Variants in DHRS4L2 observed in about 807,000 individuals in gnomAD.
DHRS4L2 encodes dehydrogenase/reductase SDR family member 4-like 2.
A neutral mutation model predicts 23.9 loss-of-function variants in DHRS4L2; 22 were observed. The observed-to-expected ratio is 0.92, with a 90% confidence interval of 0.66 to 1.31. The LOEUF is 1.31. DHRS4L2 is among the 40% of genes most tolerant of loss of function. The probability of loss-of-function intolerance (pLI) is 0.00; values close to 1 mark genes in which losing one functional copy is unlikely to be tolerated. For missense variants in DHRS4L2, 385 were observed against 303.3 expected (o/e 1.27, Z -2.00); for synonymous variants, 141 against 123.7 (o/e 1.14, Z -0.93).
intron 1 of DHRS4L2, among the ~76,000 whole-genome samples, chr14:23,983,146 A>G (rs1300053741): frequency 1.3e-5 from 2 of 151,736 alleles, no homozygotes; most frequent in Non-Finnish European, 2.9e-5. Context: ...ACAAGGGGCT[A>G]ATATCCAAAA....
At chr14:23,989,788 G>C (rs977190531) in intron 1 of DHRS4L2, among the ~76,000 whole-genome samples, 1 of 151,760 alleles carries the variant, frequency 6.6e-6, no homozygotes, top group Admixed American at 6.6e-5. Context: ...AAAGAATTTT[G>C]AGAATGATGT....
intron 1 of DHRS4L2, among the ~76,000 whole-genome samples, chr14:23,977,323 C>A (rs1317606729): frequency 6.6e-6 from 1 of 151,714 alleles, no homozygotes; most frequent in East Asian, 1.9e-4. Context: ...CAAGGGCTGG[C>A]AGTGCTGAGC....
intron 3 of DHRS4L2, among the ~76,000 whole-genome samples, chr14:23,996,116 T>C (rs1310216961): frequency 6.6e-6 from 1 of 151,626 alleles, no homozygotes; most frequent in Non-Finnish European, 1.5e-5. Flanking sequence ...AAACAACTAG[T>C]TCTGGCATGA....
chr14:23,994,565 C>G lies in DHRS4L2; in HGVS notation c.307-467C>G, dbSNP rs767608144. ...TGCCCGGGTGTGGTGGCACGCACTTCTACTCTCAACTACTTGGGGGGCTGA... is the reference window on the plus strand; with the variant it reads ...TGCCCGGGTGTGGTGGCACGCACTTGTACTCTCAACTACTTGGGGGGCTGA... On this transcript the variant is annotated intron_variant, in intron 2 of 7. Transcript: ENST00000335125. Among the ~76,000 whole-genome samples the G allele has an allele frequency of 1.8e-3, 269 of 151,306 alleles. 4 individuals are homozygous for G. Among genetic ancestry groups the G allele is most frequent in the African/African-American group, 3.7e-3 (153 of 41,186 alleles).
chr14:23,977,596 T>C (rs1440961873), intron 1 of DHRS4L2, among the ~76,000 whole-genome samples: 1 of 151,752 alleles, frequency 6.6e-6, no homozygotes, highest in Admixed American at 6.6e-5. Flanking sequence ...ACCCCCAAAA[T>C]CACTTTAAGC....
intron 6 of DHRS4L2, 61 bp from the exon 7 acceptor site, chr14:24,004,269 TAAAAAAA>T: frequency 1.5e-6 from 2 of 1,330,342 alleles, no homozygotes; most frequent in Non-Finnish European, 9.6e-7. Context: ...ACTCCGTCTC[TAAAAAAA>T]AAAAAAAAAA....
chr14:23,992,844 C>T lies in DHRS4L2; in HGVS notation c.307-2188C>T, dbSNP rs545402594. 6.1e-4 allele frequency among the ~76,000 whole-genome samples: 90 copies of T among 146,706 alleles called. 2 individuals carry two copies. Among genetic ancestry groups the T allele is most frequent in the Non-Finnish European group, 8.1e-4 (54 of 66,804 alleles). On this transcript the variant is annotated intron_variant, in intron 2 of 7. Transcript: ENST00000335125. ...AAAACTATAGGCATGCACCACCACA[C>T]CAGTTCATTTTTTAAATTTTTTGTA...
At position 23,990,278 on chromosome 14, in the gene DHRS4L2, G is replaced by A. The variant is rs764644383; in HGVS notation, c.225G>A (p.Thr75=). Reference sequence around the variant, plus strand: ...AGAATGTGGACCAGGCGGTGGCCACGCTGCAGGGGGAGGGGCTGAGCGTGA... The same window carrying A: ...AGAATGTGGACCAGGCGGTGGCCACACTGCAGGGGGAGGGGCTGAGCGTGA... ...KQQNVDQAVA[T]LQGEGLSVTG... The change falls in exon 2 of 8, where the codon ACG becomes ACA. Residue 75 remains threonine (T), a synonymous_variant. Transcript: ENST00000335125. 1.4e-5 allele frequency: 22 copies of A among 1,612,480 alleles called. No homozygotes were observed. The highest frequency in any genetic ancestry group is 1.3e-4 in the Admixed American group (8 of 59,952).
intron 1 of DHRS4L2, 40 bp from the exon 2 acceptor site, chr14:23,990,142 T>G: frequency 6.2e-7 from 1 of 1,605,774 alleles, no homozygotes; most frequent in Non-Finnish European, 8.5e-7. Context: ...CCTCTTCCCC[T>G]GCACAGGCCT....
At chr14:23,995,228 A>T in intron 3 of DHRS4L2, 95 bp downstream of exon 3, 2 of 1,425,634 alleles carry the variant, frequency 1.4e-6, no homozygotes, top group Non-Finnish European at 2.0e-6. Flanking sequence ...AGGGCAGTGT[A>T]AATGTGAGGA....
At chr14:23,986,804 T>TC (rs71906684), upstream of DHRS4L2, among the ~76,000 whole-genome samples, 1 of 149,950 alleles carries the variant, frequency 6.7e-6, no homozygotes, top group Non-Finnish European at 1.5e-5. Flanking sequence ...CTGTGTACCC[T>TC]CCCCCCAGCC....
chr14:23,981,933 C>T (rs2034059791), intron 1 of DHRS4L2, among the ~76,000 whole-genome samples: 1 of 151,744 alleles, frequency 6.6e-6, no homozygotes, highest in South Asian at 2.1e-4. Context: ...TCTCCTAACT[C>T]AGAATTGAAC....
intron 2 of DHRS4L2, among the ~76,000 whole-genome samples, chr14:23,994,198 C>A (rs1400035689): frequency 3.3e-5 from 5 of 151,622 alleles, no homozygotes; most frequent in Non-Finnish European, 7.4e-5. Context: ...ATAATGGTAA[C>A]TTATTCAGGG....
intron 1 of DHRS4L2, chr14:23,970,358 C>CG (rs760795943): frequency 2.3e-5 from 8 of 348,184 alleles, no homozygotes; most frequent in Non-Finnish European, 3.4e-5. Context: ...CGGTGGGGGG[C>CG]GGGGGGCCGA....
At chr14:23,989,856 C>T (rs915841470) in intron 1 of DHRS4L2, among the ~76,000 whole-genome samples, 4 of 151,724 alleles carry the variant, frequency 2.6e-5, no homozygotes, top group Non-Finnish European at 5.9e-5. Context: ...CTTCAAATCA[C>T]GGAAGTGGCT....
intron 1 of DHRS4L2, among the ~76,000 whole-genome samples, chr14:23,973,743 T>G (rs1365606165): frequency 6.6e-6 from 1 of 151,336 alleles, no homozygotes; most frequent in African/African-American, 2.4e-5. Context: ...GAACCCAGAT[T>G]CATAAAGCAA....
chr14:23,989,234 G>A (rs1461835321), intron 1 of DHRS4L2, among the ~76,000 whole-genome samples, 159 bp downstream of exon 1: 1 of 144,142 alleles, frequency 6.9e-6, no homozygotes, highest in African/African-American at 2.6e-5. Flanking sequence ...AAGCCCCTCC[G>A]AATACCCTGG....
intron 1 of DHRS4L2, among the ~76,000 whole-genome samples, chr14:23,982,352 G>T (rs1256444038): frequency 2.6e-5 from 4 of 151,766 alleles, no homozygotes; most frequent in Admixed American, 6.5e-5. Context: ...GTGAGCTCAA[G>T]GTCGGGGCTA....
At chr14:23,995,798 G>C (rs2034370365) in intron 3 of DHRS4L2, among the ~76,000 whole-genome samples, 1 of 151,544 alleles carries the variant, frequency 6.6e-6, no homozygotes. Context: ...ATTTGTCTTT[G>C]TTTATTAAGG....
Sources: gnomAD v4.1 joint callset for allele counts (sites outside exome capture counted in the v4.1 genomes callset) on GRCh38, gnomAD v4.1.1 for gene constraint, MANE v1.5 for transcripts, NCBI Gene and HGNC (gene_info 2026-07-23, HGNC 2026-07-21) for gene names.